Variants in OSBPL10 observed in about 807,000 individuals in gnomAD.
The protein encoded by OSBPL10 is oxysterol binding protein like 10, also known as oxysterol-binding protein-related protein 10.
In OSBPL10, 49 loss-of-function variants were observed where a neutral mutation model predicts 81.7. The ratio of observed to expected loss-of-function variants is 0.60; its 90% CI spans 0.48 to 0.76. The LOEUF is 0.76. Among genes scored for constraint, OSBPL10 ranks in the 30% least tolerant of loss-of-function variants. The pLI, the probability that OSBPL10 is intolerant of heterozygous loss-of-function variation, is 0.00. For synonymous variants in OSBPL10, 419 were observed against 383.6 expected, an observed-to-expected ratio of 1.09 and a Z score of -1.08; for missense variants, 923 against 987.8, an observed-to-expected ratio of 0.93 and a Z score of 0.88.
At chr3:31,730,912 C>T (rs149405572) in intron 6 of OSBPL10, among the ~76,000 whole-genome samples, 3 of 152,222 alleles carry the variant, frequency 2.0e-5, no homozygotes, top group Admixed American at 2.0e-4. Flanking sequence ...AGTTAGTTTC[C>T]CAATGATCAC....
At chr3:31,731,206 G>A (rs757191394) in intron 6 of OSBPL10, among the ~76,000 whole-genome samples, 6 of 152,086 alleles carry the variant, frequency 3.9e-5, no homozygotes, top group Non-Finnish European at 8.8e-5. Flanking sequence ...ATCATCTGCC[G>A]TAGCACTCAC....
At chr3:32,039,126 C>T (rs979677044) in intron 2 of OSBPL10, among the ~76,000 whole-genome samples, 4 of 151,452 alleles carry the variant, frequency 2.6e-5, no homozygotes, top group African/African-American at 7.3e-5. Flanking sequence ...GAGTTCAAGA[C>T]CAGCCTGGCC....
Position 32,073,197 on chromosome 3 carries a change from A to G in OSBPL10, n.185+4199T>C, listed in dbSNP as rs140430163. Among the ~76,000 whole-genome samples, 1,080 of 152,224 alleles carry G rather than the reference A, an allele frequency of 7.1e-3. 11 individuals are homozygous for G. The highest frequency in any genetic ancestry group is 0.025 in the African/African-American group (1,034 of 41,520). On this transcript the variant is annotated intron_variant and non_coding_transcript_variant, in intron 1 of 3. Transcript: ENST00000479173. ...CACTTTCTTACTCGGCCCAAACCTC[A>G]TCCCAGACACCAGCCCTCTAGGCAA... is the stretch of plus-strand genomic sequence containing the variant.
At chr3:31,823,797 G>A (rs868277064) in intron 4 of OSBPL10, among the ~76,000 whole-genome samples, 18 of 151,956 alleles carry the variant, frequency 1.2e-4, no homozygotes, top group East Asian at 3.9e-4. Flanking sequence ...TGCACATTTC[G>A]AAGCTCATTT....
intron 4 of OSBPL10, among the ~76,000 whole-genome samples, chr3:31,812,814 GAAAGA>G (rs1699739307): frequency 1.8e-5 from 1 of 54,218 alleles, no homozygotes; most frequent in African/African-American, 7.8e-5. Context: ...AAGAAAGAAA[GAAAGA>G]GAAAGAAAGA....
chr3:32,036,209 G>A (rs957731779), intron 2 of OSBPL10, among the ~76,000 whole-genome samples: 15 of 152,034 alleles, frequency 9.9e-5, no homozygotes, highest in South Asian at 2.1e-4. Flanking sequence ...CACCACGCCC[G>A]GCTAATCTTT....
At chr3:31,820,490 GA>G (rs1699955929) in intron 4 of OSBPL10, among the ~76,000 whole-genome samples, 1 of 151,718 alleles carries the variant, frequency 6.6e-6, no homozygotes, top group Non-Finnish European at 1.5e-5. Context: ...AGCTACTCAA[GA>G]GGCTGAAGCA....
chr3:32,016,820 G>A (rs917900853), intron 2 of OSBPL10, among the ~76,000 whole-genome samples: 4 of 152,126 alleles, frequency 2.6e-5, no homozygotes, highest in Non-Finnish European at 4.4e-5. Context: ...ATTAAACATC[G>A]CATTAGCAGA....
At chr3:31,939,805 C>G in intron 1 of OSBPL10, among the ~76,000 whole-genome samples, 1 of 152,276 alleles carries the variant, frequency 6.6e-6, no homozygotes, top group African/African-American at 2.4e-5. Flanking sequence ...AACTGCCAGT[C>G]TTGAACCTAA....
At chr3:31,870,046 G>A (rs1198515165) in intron 3 of OSBPL10, among the ~76,000 whole-genome samples, 1 of 152,236 alleles carries the variant, frequency 6.6e-6, no homozygotes, top group African/African-American at 2.4e-5. Flanking sequence ...TCAGCCCACC[G>A]CTGCACTGTG....
chr3:32,008,590 A>G (rs191342040), intron 2 of OSBPL10, among the ~76,000 whole-genome samples: 1 of 151,704 alleles, frequency 6.6e-6, no homozygotes, highest in Non-Finnish European at 1.5e-5. Flanking sequence ...ACAAAAAAAA[A>G]CCCACAAAAG....
chr3:31,984,030 T>G (rs1006534471), upstream of OSBPL10, among the ~76,000 whole-genome samples: 6 of 148,946 alleles, frequency 4.0e-5, no homozygotes, highest in Non-Finnish European at 7.6e-5. Context: ...GGGGTTTTTT[T>G]TGTTTTTGTT....
chr3:31,810,723 AAATTATGAGATAC>A (rs1699659378), intron 4 of OSBPL10, among the ~76,000 whole-genome samples: 1 of 152,216 alleles, frequency 6.6e-6, no homozygotes, highest in African/African-American at 2.4e-5. Context: ...ATTTAAATTA[AAATTATGAGATAC>A]AAGTTTTCCC....
intron 3 of OSBPL10, among the ~76,000 whole-genome samples, chr3:31,869,407 G>A (rs181323817): frequency 1.5e-4 from 23 of 152,154 alleles, no homozygotes; most frequent in African/African-American, 4.3e-4. Context: ...CCCCCACCCC[G>A]CCAAAATGCT....
chr3:31,872,653 ACT>A (rs1402259084), intron 3 of OSBPL10, among the ~76,000 whole-genome samples: 9 of 138,924 alleles, frequency 6.5e-5, no homozygotes, highest in Admixed American at 6.0e-4. Flanking sequence ...ACATGATCTC[ACT>A]CTGTCACCCA....
upstream of OSBPL10, among the ~76,000 whole-genome samples, chr3:31,982,786 C>A (rs12629794): frequency 6.6e-6 from 1 of 152,178 alleles, no homozygotes; most frequent in Non-Finnish European, 1.5e-5. Context: ...CAAATGATAC[C>A]GGCTGTAATA....
intron 4 of OSBPL10, among the ~76,000 whole-genome samples, chr3:31,776,048 G>C (rs141042113): frequency 6.6e-6 from 1 of 152,070 alleles, no homozygotes; most frequent in Admixed American, 6.6e-5. Flanking sequence ...CAATGATCTG[G>C]GAATTCTGGG....
intron 1 of OSBPL10, among the ~76,000 whole-genome samples, chr3:31,936,035 T>C (rs1369279273): frequency 2.0e-5 from 3 of 152,170 alleles, no homozygotes; most frequent in Non-Finnish European, 4.4e-5. Flanking sequence ...CCTTCTCCTC[T>C]TCACCATCCC....
Position 31,733,368 on chromosome 3 carries a change from C to T in OSBPL10, c.984G>A (p.Glu328=), listed in dbSNP as rs773056690. ...GWHGSKSHST[E]QLKNGTLGSL... is the part of the protein sequence containing the mutation. ...AGCCAAGTGTCCCATTTTTCAGCTG[C>T]TCTGTGGAATGTGACTTGGACCCGT... is the stretch of plus-strand genomic sequence containing the variant. Residue 328 remains glutamate, a synonymous_variant, in exon 6 of 12, where the codon GAG becomes GAA. Coordinates refer to ENST00000396556, the MANE Select transcript of OSBPL10 (RefSeq NM_017784.5). The T allele has an allele frequency of 1.2e-6, 2 of 1,614,096 alleles. No homozygotes were observed. Among genetic ancestry groups the T allele is most frequent in the Non-Finnish European group, 1.7e-6 (2 of 1,180,006 alleles).
Sources: allele counts gnomAD v4.1 joint callset (sites outside exome capture counted in the v4.1 genomes callset), GRCh38; gene constraint gnomAD v4.1.1; transcripts MANE v1.5; gene names NCBI Gene and HGNC (gene_info 2026-07-23, HGNC 2026-07-21).